Variants in SNCAIP observed in about 807,000 individuals in gnomAD.
The protein encoded by SNCAIP is synphilin-1.
A neutral mutation model predicts 86.7 loss-of-function variants in SNCAIP; 43 were observed. That is an observed-to-expected ratio of 0.50 (90% CI 0.39 to 0.64). SNCAIP has a LOEUF of 0.64. Among genes scored for constraint, SNCAIP ranks in the 30% least tolerant of loss-of-function variants. The pLI, the probability that SNCAIP is intolerant of heterozygous loss-of-function variation, is 0.00. For missense variants in SNCAIP, 981 were observed against 1,103.1 expected (o/e 0.89, Z 1.57); for synonymous variants, 417 against 427.2 (o/e 0.98, Z 0.29).
intron 2 of SNCAIP, among the ~76,000 whole-genome samples, chr5:122,396,994 A>C (rs186837054): frequency 6.6e-6 from 1 of 152,112 alleles, no homozygotes; most frequent in Non-Finnish European, 1.5e-5. Flanking sequence ...TATGATTGCT[A>C]ACATTTATTG....
intron 1 of SNCAIP, among the ~76,000 whole-genome samples, chr5:122,353,186 T>C (rs927410070): frequency 6.6e-6 from 1 of 151,930 alleles, no homozygotes; most frequent in African/African-American, 2.4e-5. Context: ...CCAAATATTA[T>C]GTTGAGCAAA....
At chr5:122,360,122 T>A (rs920081820) in intron 1 of SNCAIP, among the ~76,000 whole-genome samples, 3 of 152,222 alleles carry the variant, frequency 2.0e-5, no homozygotes, top group African/African-American at 7.2e-5. Flanking sequence ...TCCAGCATTC[T>A]TTTTTGGATT....
At chr5:122,374,222 C>A (rs1764822392) in intron 1 of SNCAIP, among the ~76,000 whole-genome samples, 2 of 152,064 alleles carry the variant, frequency 1.3e-5, no homozygotes, top group African/African-American at 2.4e-5. Flanking sequence ...CTTAGAGGGG[C>A]CAAGTTCAGT....
At chr5:122,457,330 G>A (rs945582985) in intron 10 of SNCAIP, among the ~76,000 whole-genome samples, 8 of 152,102 alleles carry the variant, frequency 5.3e-5, no homozygotes, top group South Asian at 2.1e-4. Context: ...AGCCCTGAAC[G>A]GAAGTATAAT....
intron 1 of SNCAIP, among the ~76,000 whole-genome samples, chr5:122,316,634 C>T (rs1217947362): frequency 2.0e-5 from 3 of 152,176 alleles, no homozygotes; most frequent in Non-Finnish European, 4.4e-5. Context: ...GTGGAGTTTT[C>T]TCGTGGAAAA....
chr5:122,450,727 A>G lies in SNCAIP; in HGVS notation c.1880A>G (p.Glu627Gly). The change falls in exon 10 of 11, where the codon GAA becomes GGA. Residue 627 changes from glutamate to glycine, a missense_variant. By Grantham distance (98) the Glu-to-Gly change is moderately conservative. Transcript: ENST00000261368. ...DKILRQLLGK[E>G]ISENVCTQEK... The stretch of plus-strand genomic sequence containing the variant: ...ATCTTACGCCAGTTATTGGGAAAGG[A>G]AATCTCAGAAAATGTCTGCACCCAG... 6.2e-7 allele frequency: 1 copy of G among 1,614,212 alleles called. No homozygotes were observed. Among genetic ancestry groups the G allele is most frequent in the Non-Finnish European group, 8.5e-7 (1 of 1,180,028 alleles).
intron 1 of SNCAIP, among the ~76,000 whole-genome samples, chr5:122,323,865 C>G (rs1753481517): frequency 6.6e-6 from 1 of 152,122 alleles, no homozygotes; most frequent in Non-Finnish European, 1.5e-5. Flanking sequence ...TTTCTTTCTC[C>G]TCCCCCCTCC....
At chr5:122,423,766 T>C (rs751835234) in intron 4 of SNCAIP, 27 bp downstream of exon 4, 10 of 1,581,016 alleles carry the variant, frequency 6.3e-6, no homozygotes, top group Middle Eastern at 1.7e-4. Context: ...TCAGTATACA[T>C]GTCAATAGAC....
chr5:122,416,113 G>A (rs905670230), intron 3 of SNCAIP, among the ~76,000 whole-genome samples: 2 of 152,188 alleles, frequency 1.3e-5, no homozygotes, highest in Non-Finnish European at 2.9e-5. Context: ...TCTATCCAGG[G>A]TAGTAGGGCT....
chr5:122,356,905 C>T (rs569706319), intron 1 of SNCAIP, among the ~76,000 whole-genome samples: 18 of 152,186 alleles, frequency 1.2e-4, no homozygotes, highest in Non-Finnish European at 1.3e-4. Context: ...CTCTACCTAG[C>T]TCCTGTCTGA....
intron 1 of SNCAIP, among the ~76,000 whole-genome samples, chr5:122,367,385 CAAG>C (rs1429458597): frequency 6.6e-6 from 1 of 152,038 alleles, no homozygotes; most frequent in Non-Finnish European, 1.5e-5. Context: ...AAAAGGAAGA[CAAG>C]AAAGTAGCAA....
intron 1 of SNCAIP, among the ~76,000 whole-genome samples, chr5:122,349,245 G>T (rs1759283097): frequency 6.6e-6 from 1 of 152,140 alleles, no homozygotes; most frequent in African/African-American, 2.4e-5. Context: ...CATTAAAATT[G>T]CCTGAGGAGT....
chr5:122,448,805 A>G (rs1783054485), intron 8 of SNCAIP, among the ~76,000 whole-genome samples: 1 of 149,598 alleles, frequency 6.7e-6, no homozygotes, highest in Non-Finnish European at 1.5e-5. Flanking sequence ...TTACAAGGTC[A>G]GGAGATCGAG....
chr5:122,411,119 A>G, intron 3 of SNCAIP, among the ~76,000 whole-genome samples: 1 of 152,204 alleles, frequency 6.6e-6, no homozygotes, highest in East Asian at 1.9e-4. Flanking sequence ...CCAAACTGGT[A>G]AGTAAAGAAA....
intron 1 of SNCAIP, among the ~76,000 whole-genome samples, chr5:122,329,518 A>T (rs978983534): frequency 2.0e-4 from 30 of 152,300 alleles, no homozygotes; most frequent in African/African-American, 7.2e-4. Flanking sequence ...AAGTGAAGAA[A>T]ATTTATGATA....
intron 10 of SNCAIP, among the ~76,000 whole-genome samples, chr5:122,462,864 A>G (rs974365654): frequency 6.6e-6 from 1 of 152,174 alleles, no homozygotes; most frequent in South Asian, 2.1e-4. Context: ...AAATGATTGC[A>G]CCTACCCAAG....
At chr5:122,313,602 A>G (rs1040876449) in intron 1 of SNCAIP, among the ~76,000 whole-genome samples, 2 of 152,270 alleles carry the variant, frequency 1.3e-5, no homozygotes, top group African/African-American at 2.4e-5. Context: ...AAAGGCAAAG[A>G]ACAAGGTGTA....
chr5:122,404,889 G>GT (rs1208410898), intron 3 of SNCAIP, among the ~76,000 whole-genome samples: 1 of 152,116 alleles, frequency 6.6e-6, no homozygotes. Flanking sequence ...TTATCTTGGT[G>GT]TTTTTTTGTG....
intron 1 of SNCAIP, among the ~76,000 whole-genome samples, chr5:122,356,095 CTTTTTTTTT>C (rs757246404): frequency 9.7e-6 from 1 of 102,766 alleles, no homozygotes; most frequent in Non-Finnish European, 2.0e-5. Flanking sequence ...GTTAGCCTTT[CTTTTTTTTT>C]TTTTTTTTTT....
Sources: allele counts gnomAD v4.1 joint callset (sites outside exome capture counted in the v4.1 genomes callset), GRCh38; gene constraint gnomAD v4.1.1; transcripts MANE v1.5; gene names NCBI Gene and HGNC (gene_info 2026-07-23, HGNC 2026-07-21).